The following SPICE1 variants were observed in gnomAD, a reference collection of about 807,000 sequenced individuals.
SPICE1 encodes spindle and centriole-associated protein 1.
Under a neutral mutation model 102.7 loss-of-function variants are expected in SPICE1, and 75 were observed. That is an observed-to-expected ratio of 0.73 (90% CI 0.61 to 0.88). The LOEUF (loss-of-function observed/expected upper bound fraction) is 0.88, where lower values mean the gene tolerates loss of function less well. Ranked by LOEUF, SPICE1 falls within the 40% of genes least tolerant of loss-of-function variation. The pLI, the probability that SPICE1 is intolerant of heterozygous loss-of-function variation, is 0.00. For missense variants in SPICE1, 979 were observed against 1,020.1 expected (o/e 0.96, Z 0.55); for synonymous variants, 308 against 350.3 (o/e 0.88, Z 1.35).
rs543506187 is a variant in SPICE1, at chr3:113,482,346, C to T, written c.611+6599G>A. Reference sequence around the variant, plus strand: ...TAGATAGATTGCAAAAATTTTCTCCCATTCTGTAGATTACCTGTTCACCAT... The same window carrying T: ...TAGATAGATTGCAAAAATTTTCTCCTATTCTGTAGATTACCTGTTCACCAT... On this transcript the variant is annotated intron_variant, in intron 7 of 17. Coordinates refer to ENST00000295872, the MANE Select transcript of SPICE1 (RefSeq NM_144718.4). 3.5e-3 allele frequency among the ~76,000 whole-genome samples: 538 copies of T among 152,254 alleles called. 5 individuals carry two copies. Among genetic ancestry groups the T allele is most frequent in the South Asian group, 7.7e-3 (37 of 4,816 alleles).
chr3:113,499,785 G>C (rs911322194), intron 3 of SPICE1, among the ~76,000 whole-genome samples: 2 of 152,006 alleles, frequency 1.3e-5, no homozygotes, highest in Admixed American at 6.6e-5. Flanking sequence ...ATATAGAACT[G>C]GTAAACCTAC....
rs767702801 is a variant in SPICE1 at position 113,469,133 on chromosome 3, C to T, written c.717G>A (p.Thr239=). The T allele has an allele frequency of 1.4e-5, 22 of 1,613,190 alleles. No homozygotes were observed. Among genetic ancestry groups the T allele is most frequent in the Middle Eastern group, 1.6e-4 (1 of 6,082 alleles). The change falls in exon 8 of 18, where the codon ACG becomes ACA. Residue 239 remains threonine (T), a synonymous_variant. Coordinates refer to ENST00000295872, the MANE Select transcript of SPICE1 (RefSeq NM_144718.4). ...CCCCTGATGAAAGAGCAGATGATGG[C>T]GTTCCTGGAGGAGTTATTTGTGACT... ...ATQSQITPPG[T]PSSALSSGEQ...
At position 113,468,153 on chromosome 3, in the gene SPICE1, G is replaced by A. The variant is rs779547310; in HGVS notation, c.1141C>T (p.Arg381Trp). The A allele has an allele frequency of 5.3e-5, 85 of 1,614,006 alleles. No individual in the cohort carries two copies. The highest frequency in any genetic ancestry group is 6.6e-5 in the South Asian group (6 of 91,078). ...SLVSSLCRLV[R>W]YLKESEIQLR... ...AATGTCCTTACCTCTTTAAGGTACC[G>A]AACCAGGCGACAGAGGGAGCTCACC... The change falls in exon 10 of 18, where the codon CGG becomes TGG. Residue 381 changes from arginine (R) to tryptophan (W), a missense_variant. Arg to Trp is a moderately radical substitution (Grantham distance 101, BLOSUM62 -3). Transcript: ENST00000295872.
In SPICE1 at chr3:113,494,081, G is replaced by A. The variant is rs1474017178; in HGVS notation, c.353C>T (p.Ala118Val). ...CCTACGAGGAAACAGCTCTTTTGCT[G>A]CAGCTATTAGATGATCAGATTTCTC... ...VLEKSDHLIA[A>V]AKELFPRRRT... is the part of the protein sequence containing the mutation. Residue 118 changes from alanine (A) to valine (V), a missense_variant, in exon 5 of 18, where the codon GCA becomes GTA. Physicochemically the swap from Ala to Val is moderately conservative, Grantham distance 64. Coordinates refer to ENST00000295872, the MANE Select transcript of SPICE1 (RefSeq NM_144718.4). 4.3e-6 allele frequency: 7 copies of A among 1,612,230 alleles called. No homozygotes were observed. Among genetic ancestry groups the A allele is most frequent in the African/African-American group, 1.3e-5 (1 of 74,876 alleles).
At chr3:113,482,536 G>A (rs1936536041) in intron 7 of SPICE1, among the ~76,000 whole-genome samples, 1 of 152,132 alleles carries the variant, frequency 6.6e-6, no homozygotes. Context: ...ATTTTTTATG[G>A]TTTCAGGTCT....
At chr3:113,490,150 G>C (rs1455229883) in intron 6 of SPICE1, among the ~76,000 whole-genome samples, 1 of 152,168 alleles carries the variant, frequency 6.6e-6, no homozygotes, top group Non-Finnish European at 1.5e-5. Flanking sequence ...ACTAGCATTT[G>C]TTGATATTTA....
chr3:113,446,543 T>C lies in SPICE1; in HGVS notation c.2514+46A>G, dbSNP rs1260330783. The C allele has an allele frequency of 2.1e-6, 3 of 1,402,642 alleles. No individual in the cohort carries two copies. In the Admixed American group the frequency reaches 5.2e-5, roughly 24 times the overall value. 86.9% of individuals were successfully genotyped at this position (1,402,642 alleles called of 1,614,324 possible). The stretch of plus-strand genomic sequence containing the variant: ...GGAAATCACTAAATCAGCCACCTTC[T>C]ACCCTCACCCCTATATGCATTTCAC... On this transcript the variant is annotated intron_variant, in intron 17 of 17. Coordinates refer to ENST00000295872, the MANE Select transcript of SPICE1 (RefSeq NM_144718.4).
rs1007097666 is a variant in SPICE1 at position 113,445,044 on chromosome 3, ATACT to A, written c.*259_*262del. ...TGTATTAATAAAAAAAACCCTTAAAATACTTAAGAAAGTATTAAAATACAAAACT... is the reference window on the plus strand; with the variant it reads ...TGTATTAATAAAAAAAACCCTTAAAATAAGAAAGTATTAAAATACAAAACT... On this transcript the variant is annotated 3_prime_UTR_variant, in exon 18 of 18. Transcript: ENST00000295872. 5.8e-5 allele frequency: 16 copies of A among 276,424 alleles called. No homozygotes were observed. Among genetic ancestry groups the A allele is most frequent in the African/African-American group, 3.3e-4 (15 of 45,732 alleles). 17.1% of individuals were successfully genotyped at this position (276,424 alleles called of 1,614,324 possible).
chr3:113,450,408 G>C lies in SPICE1; in HGVS notation c.2251C>G (p.Gln751Glu). The change falls in exon 15 of 18, where the codon CAG becomes GAG. Residue 751 changes from glutamine (Q) to glutamate (E), a missense_variant. Gln to Glu is a conservative substitution (Grantham distance 29, BLOSUM62 2). Transcript: ENST00000295872. ...AGATTCAAACCAACAAGTTTCTGCT[G>C]CTCTATCAACTGCAGTAGTTTTCCA... ...ARGKLLQLIE[Q>E]QKLVGLNLSP... 6.2e-7 allele frequency: 1 copy of C among 1,613,978 alleles called. No homozygotes were observed. The highest frequency in any genetic ancestry group is 1.1e-5 in the South Asian group (1 of 91,078).
At chr3:113,485,715 G>C (rs1394424318) in intron 7 of SPICE1, among the ~76,000 whole-genome samples, 1 of 152,086 alleles carries the variant, frequency 6.6e-6, no homozygotes, top group Non-Finnish European at 1.5e-5. Context: ...TTTAACAAAT[G>C]GAAAAATATA....
In SPICE1 at chr3:113,477,794, G is replaced by A. The variant is rs1487454744; in HGVS notation, c.612-8556C>T. On this transcript the variant is annotated intron_variant, in intron 7 of 17. Transcript: ENST00000295872. ...CACTCTGGGAACTGTTGTGGGATGGGGGGAGGGGGGAGGGATGGCATTAGG... is the reference window on the plus strand; with the variant it reads ...CACTCTGGGAACTGTTGTGGGATGGAGGGAGGGGGGAGGGATGGCATTAGG... 3.5e-5 allele frequency among the ~76,000 whole-genome samples: 5 copies of A among 143,226 alleles called. No individual in the cohort carries two copies. The South Asian group carries it at 7.0e-4, about 20-fold the overall frequency. The allele number at this position is 143,226 out of a possible 152,430, so 94.0% of individuals were successfully genotyped here. A position where few individuals can be genotyped will look rare whatever the true frequency, so the allele number is the denominator to read the frequency against.
chr3:113,495,629 G>A (rs545503293), intron 4 of SPICE1, among the ~76,000 whole-genome samples: 1 of 152,306 alleles, frequency 6.6e-6, no homozygotes, highest in East Asian at 1.9e-4. Context: ...TACCACTCTA[G>A]AGATGTTTCA....
chr3:113,460,891 G>T, intron 11 of SPICE1, 127 bp from the exon 12 acceptor site: 10 of 663,624 alleles, frequency 1.5e-5, no homozygotes, highest in Non-Finnish European at 2.1e-5. Flanking sequence ...GGATATGTAT[G>T]TATAATATCA....
intron 1 of SPICE1, among the ~76,000 whole-genome samples, chr3:113,511,115 T>G (rs1937214102): frequency 6.6e-6 from 1 of 152,158 alleles, no homozygotes; most frequent in Non-Finnish European, 1.5e-5. Context: ...AAACAACACA[T>G]GCTGGCAAGA....
intron 14 of SPICE1, among the ~76,000 whole-genome samples, chr3:113,452,801 A>G (rs1318144284): frequency 6.6e-6 from 1 of 152,122 alleles, no homozygotes; most frequent in Non-Finnish European, 1.5e-5. Flanking sequence ...AACATGGTGA[A>G]ACCCCGTCTC....
chr3:113,453,676 T>C lies in SPICE1; in HGVS notation c.1932A>G (p.Ser644=), dbSNP rs1336249011. 6.2e-7 allele frequency: 1 copy of C among 1,613,984 alleles called. No homozygotes were observed. Among genetic ancestry groups the C allele is most frequent in the Non-Finnish European group, 8.5e-7 (1 of 1,179,986 alleles). The change falls in exon 14 of 18, where the codon TCA becomes TCG. Residue 644 remains serine, a synonymous_variant. Transcript: ENST00000295872. ...CATCTCCCAGTACTGGGAGCTCTTC[T>C]GAGAATGTGGGGCTTCTTGACTGTT... The part of the protein sequence containing the change: ...NTQQSRSPTF[S]EELPVLGDGQ...
intron 17 of SPICE1, 72 bp downstream of exon 17, chr3:113,446,517 T>G: frequency 9.6e-7 from 1 of 1,041,614 alleles, no homozygotes; most frequent in African/African-American, 1.6e-5. Flanking sequence ...TAATTAAGAA[T>G]GGAAATCACT....
chr3:113,451,541 G>A (rs1043870692), intron 14 of SPICE1, among the ~76,000 whole-genome samples: 6 of 152,076 alleles, frequency 3.9e-5, no homozygotes, highest in African/African-American at 1.4e-4. Flanking sequence ...ACAAAAGAGG[G>A]TAGTGAAGAC....
chr3:113,513,432 A>G (rs564490519), intron 1 of SPICE1, among the ~76,000 whole-genome samples: 2 of 152,142 alleles, frequency 1.3e-5, no homozygotes, highest in East Asian at 3.9e-4. Flanking sequence ...AAACAAAAAC[A>G]AAACAAAAAC....
Sources: allele counts gnomAD v4.1 joint callset (sites outside exome capture counted in the v4.1 genomes callset), GRCh38; gene constraint gnomAD v4.1.1; transcripts MANE v1.5; gene names NCBI Gene and HGNC (gene_info 2026-07-23, HGNC 2026-07-21).